PRKG1: variants seen among roughly 807,000 people sequenced by gnomAD.
The protein encoded by PRKG1 is cGMP-dependent protein kinase 1.
A neutral mutation model predicts 88.1 loss-of-function variants in PRKG1; 35 were observed. The observed-to-expected ratio is 0.40, with a 90% CI of 0.30 to 0.53. The LOEUF (loss-of-function observed/expected upper bound fraction) is 0.53, where lower values mean the gene tolerates loss of function less well. Ranked by LOEUF, PRKG1 falls within the 20% of genes least tolerant of loss-of-function variation. The pLI, the probability that PRKG1 is intolerant of heterozygous loss-of-function variation, is 0.59. For missense variants in PRKG1, 540 were observed against 839.8 expected, an observed-to-expected ratio of 0.64 and a Z score of 4.41; for synonymous variants, 303 against 292.5, an observed-to-expected ratio of 1.04 and a Z score of -0.37.
intron 7 of PRKG1, among the ~76,000 whole-genome samples, chr10:52,066,675 T>C (rs145459975): frequency 3.3e-5 from 5 of 152,186 alleles, no homozygotes; most frequent in Non-Finnish European, 7.3e-5. Flanking sequence ...GGACGGAAAT[T>C]ACTGAACTCC....
chr10:51,089,086 G>A (rs374685013), intron 1 of PRKG1, among the ~76,000 whole-genome samples: 1 of 152,136 alleles, frequency 6.6e-6, no homozygotes, highest in African/African-American at 2.4e-5. Flanking sequence ...CCCTCTGAAG[G>A]CATTTCCATT....
intron 1 of PRKG1, among the ~76,000 whole-genome samples, chr10:50,994,620 C>T (rs1346888529): frequency 8.6e-5 from 13 of 151,920 alleles, no homozygotes; most frequent in Non-Finnish European, 1.8e-4. Flanking sequence ...TATTGCAAAG[C>T]TTGTGTTCAG....
chr10:51,708,482 A>G (rs187876019), intron 3 of PRKG1, among the ~76,000 whole-genome samples: 2 of 152,112 alleles, frequency 1.3e-5, no homozygotes, highest in Non-Finnish European at 2.9e-5. Flanking sequence ...AGAATACTCT[A>G]TTCCCATCTC....
chr10:52,122,036 T>C (rs1847832044), intron 7 of PRKG1, among the ~76,000 whole-genome samples: 1 of 152,198 alleles, frequency 6.6e-6, no homozygotes, highest in Non-Finnish European at 1.5e-5. Context: ...ATACCCGAAG[T>C]TGGGGAAACT....
At chr10:51,128,218 C>CAAA (rs1234381575) in intron 1 of PRKG1, among the ~76,000 whole-genome samples, 4 of 74,144 alleles carry the variant, frequency 5.4e-5, no homozygotes, top group South Asian at 5.9e-4. Flanking sequence ...TAAAAAAAAT[C>CAAA]CGGATAGACT....
intron 5 of PRKG1, among the ~76,000 whole-genome samples, chr10:51,945,951 G>A (rs4304714): frequency 0.91 from 134,545 of 147,362 alleles, 62,416 homozygotes; most frequent in East Asian, 1. Flanking sequence ...TGCTCTTCTC[G>A]AGGAGTATCT....
chr10:52,252,220 C>G (rs1316537518), intron 10 of PRKG1: 1 of 152,110 alleles, frequency 6.6e-6, no homozygotes, highest in African/African-American at 2.4e-5. Flanking sequence ...TATGTATACA[C>G]ATATACATAC....
At chr10:51,201,315 G>C (rs1300941733) in intron 2 of PRKG1, among the ~76,000 whole-genome samples, 2 of 152,096 alleles carry the variant, frequency 1.3e-5, no homozygotes, top group African/African-American at 4.8e-5. Context: ...AGCCGGGCGT[G>C]GTGGCAGTTG....
At chr10:51,434,230 G>A (rs1838858015) in intron 2 of PRKG1, among the ~76,000 whole-genome samples, 2 of 152,108 alleles carry the variant, frequency 1.3e-5, no homozygotes. Context: ...CCGTATCACA[G>A]GCTGCAAGCA....
chr10:51,014,508 A>C (rs542826441), intron 1 of PRKG1, among the ~76,000 whole-genome samples: 1 of 152,274 alleles, frequency 6.6e-6, no homozygotes, highest in South Asian at 2.1e-4. Flanking sequence ...GGGCTTTTGC[A>C]GGGAAAAATT....
intron 7 of PRKG1, among the ~76,000 whole-genome samples, chr10:52,077,206 A>G (rs145316146): frequency 6.8e-4 from 103 of 152,300 alleles, no homozygotes; most frequent in African/African-American, 2.4e-3. Flanking sequence ...GAGCCATGCA[A>G]TGAAGTAGTA....
rs549735084 is a variant in PRKG1, at chr10:52,153,456, C to G, written c.1002-8433C>G. Among the ~76,000 whole-genome samples the G allele has an allele frequency of 2.0e-5, 3 of 152,316 alleles. No individual in the cohort carries two copies. In the East Asian group the frequency reaches 5.8e-4, roughly 29 times the overall value. On this transcript the variant is annotated intron_variant, in intron 8 of 17. Coordinates refer to ENST00000373980, the MANE Select transcript of PRKG1 (RefSeq NM_006258.4). ...AATTTATGAGTGAAATAGCAATTCT[C>G]CATTCTGACTGCAATTGGTACACTT...
chr10:51,119,181 A>G (rs542578681), intron 1 of PRKG1, among the ~76,000 whole-genome samples: 126 of 152,196 alleles, frequency 8.3e-4, no homozygotes, highest in African/African-American at 3.0e-3. Flanking sequence ...TGGTGTCCCT[A>G]TTCAGTTAGT....
chr10:51,749,573 C>A (rs748021351), intron 3 of PRKG1, among the ~76,000 whole-genome samples: 1 of 152,150 alleles, frequency 6.6e-6, no homozygotes, highest in African/African-American at 2.4e-5. Context: ...CAAATGTAGT[C>A]ACATTTGGGG....
At chr10:51,231,214 G>A (rs1038254067) in intron 2 of PRKG1, among the ~76,000 whole-genome samples, 1 of 152,118 alleles carries the variant, frequency 6.6e-6, no homozygotes, top group Admixed American at 6.6e-5. Flanking sequence ...GCAATCCCTG[G>A]TTACTTTCTT....
intron 9 of PRKG1, among the ~76,000 whole-genome samples, chr10:52,219,723 C>G (rs1840197568): frequency 6.6e-6 from 1 of 152,192 alleles, no homozygotes; most frequent in Non-Finnish European, 1.5e-5. Context: ...AGTGAATTTA[C>G]ATATAAATAC....
chr10:52,239,438 C>T (rs1446715500), intron 9 of PRKG1, among the ~76,000 whole-genome samples: 9 of 137,226 alleles, frequency 6.6e-5, no homozygotes, highest in South Asian at 2.3e-4. Flanking sequence ...AGAGAAACTG[C>T]TATAATTTTT....
intron 1 of PRKG1, among the ~76,000 whole-genome samples, chr10:51,062,047 G>A (rs919362275): frequency 2.0e-5 from 3 of 152,162 alleles, no homozygotes; most frequent in African/African-American, 7.2e-5. Context: ...AAAAATTGTA[G>A]AGAGAGTATG....
intron 5 of PRKG1, among the ~76,000 whole-genome samples, chr10:52,038,199 G>A (rs1297388556): frequency 1.3e-5 from 2 of 152,032 alleles, no homozygotes; most frequent in African/African-American, 4.8e-5. Context: ...TGAGAACACA[G>A]GCCAAGGGAG....
Sources: allele counts gnomAD v4.1 joint callset (sites outside exome capture counted in the v4.1 genomes callset), GRCh38; gene constraint gnomAD v4.1.1; transcripts MANE v1.5; gene names NCBI Gene and HGNC (gene_info 2026-07-23, HGNC 2026-07-21).